The following FGF1 variants were observed in gnomAD, a reference collection of about 807,000 sequenced individuals.
FGF1 encodes beta-endothelial cell growth factor.
Under a neutral mutation model 13.4 loss-of-function variants are expected in FGF1, and 9 were observed. The ratio of observed to expected loss-of-function variants is 0.67; its 90% CI spans 0.40 to 1.17. The LOEUF is 1.17. Ranked by LOEUF, FGF1 falls within the 50% of genes most tolerant of loss-of-function variation. The pLI, the probability that FGF1 is intolerant of heterozygous loss-of-function variation, is 0.01. For missense variants in FGF1, 156 were observed against 192.7 expected (o/e 0.81, Z 1.13); for synonymous variants, 93 against 79.0 (o/e 1.18, Z -0.94).
At chr5:142,651,060 G>C (rs1252676121) in intron 1 of FGF1, among the ~76,000 whole-genome samples, 2 of 152,118 alleles carry the variant, frequency 1.3e-5, no homozygotes, top group African/African-American at 4.8e-5. Flanking sequence ...CTCCCTATTC[G>C]TGCTTTTGCT....
Position 142,683,609 on chromosome 5 carries a change from A to G in FGF1, c.-35+2348T>C, listed in dbSNP as rs555868913. 1.3e-5 allele frequency among the ~76,000 whole-genome samples: 2 copies of G among 152,096 alleles called. 1 individual carries two copies. Among genetic ancestry groups the G allele is most frequent in the African/African-American group, 4.8e-5 (2 of 41,506 alleles). On this transcript the variant is annotated intron_variant, in intron 1 of 3. Transcript: ENST00000337706. Reference sequence around the variant, plus strand: ...TGGGAGGCCGGTTGGATCACCTGACATTGGGAGTTAGAGACCAGCCTTAGC... The same window carrying G: ...TGGGAGGCCGGTTGGATCACCTGACGTTGGGAGTTAGAGACCAGCCTTAGC...
At chr5:142,634,328 T>C (rs1262955411) in intron 1 of FGF1, among the ~76,000 whole-genome samples, 2 of 152,218 alleles carry the variant, frequency 1.3e-5, no homozygotes, top group Non-Finnish European at 2.9e-5. Context: ...GAGCATAGTG[T>C]ATTGAAGTAA....
Position 142,677,124 on chromosome 5 carries a change from T to C in FGF1, c.-35+8833A>G, listed in dbSNP as rs547300131. Among the ~76,000 whole-genome samples, 324 of 152,332 alleles carry C rather than the reference T, an allele frequency of 2.1e-3. 3 individuals are homozygous for C. Among genetic ancestry groups the C allele is most frequent in the African/African-American group, 7.3e-3 (305 of 41,566 alleles). On this transcript the variant is annotated intron_variant, in intron 1 of 3. Transcript: ENST00000337706. ...ACTCTGGAGCATTCATTCTCAACTT[T>C]CCTTTAGTTGCTGTTTCTTAATTCT... is the stretch of plus-strand genomic sequence containing the variant.
chr5:142,658,072 G>A (rs1339363549), intron 1 of FGF1, among the ~76,000 whole-genome samples: 1 of 152,134 alleles, frequency 6.6e-6, no homozygotes, highest in Non-Finnish European at 1.5e-5. Context: ...AACAGCCCAC[G>A]GTGGACGTCT....
intron 3 of FGF1, among the ~76,000 whole-genome samples, chr5:142,597,247 A>G (rs1755462435): frequency 6.6e-6 from 1 of 152,240 alleles, no homozygotes; most frequent in Admixed American, 6.5e-5. Context: ...TTTCACTTCT[A>G]GGAATCTACC....
At position 142,637,142 on chromosome 5, in the gene FGF1, C is replaced by T. The variant is rs574233737; in HGVS notation, c.-34-22981G>A. Among the ~76,000 whole-genome samples the T allele has an allele frequency of 1.3e-3, 197 of 152,006 alleles. 2 individuals carry two copies. Among genetic ancestry groups the T allele is most frequent in the Non-Finnish European group, 2.3e-3 (159 of 68,028 alleles). On this transcript the variant is annotated intron_variant, in intron 1 of 3. Transcript: ENST00000337706. ...GAGTATGTCAGCCCAGCGGCCCTCT[C>T]TGGGAGAGACAGTGGCATTTAGCCA...
upstream of FGF1, among the ~76,000 whole-genome samples, chr5:142,691,066 A>G (rs952066540): frequency 1.3e-5 from 2 of 152,192 alleles, no homozygotes; most frequent in Non-Finnish European, 2.9e-5. Context: ...GTCTTTTTAC[A>G]TCTCCCACTT....
chr5:142,613,932 AG>A (rs779597167), intron 2 of FGF1, 26 bp downstream of exon 2: 5 of 1,607,268 alleles, frequency 3.1e-6, no homozygotes, highest in Admixed American at 1.7e-5. Context: ...CAGAAAGGGA[AG>A]GGGGGTGCCA....
intron 1 of FGF1, chr5:142,685,518 G>C (rs751513090): frequency 1.3e-5 from 2 of 152,254 alleles, no homozygotes; most frequent in Non-Finnish European, 2.9e-5. Flanking sequence ...ACTCACCGCA[G>C]CTTTCTGCTT....
chr5:142,648,857 C>G (rs1243002573), intron 1 of FGF1, among the ~76,000 whole-genome samples: 2 of 151,912 alleles, frequency 1.3e-5, no homozygotes, highest in African/African-American at 4.8e-5. Context: ...GGACCAGGCC[C>G]TGGAAGAGGT....
intron 2 of FGF1, 21 bp from the exon 3 acceptor site, chr5:142,600,826 G>A (rs758340129): frequency 3.2e-6 from 5 of 1,568,368 alleles, no homozygotes; most frequent in Non-Finnish European, 4.4e-6. Context: ...AATAACACGA[G>A]CAAAAGTAAA....
chr5:142,655,768 T>C (rs529405323), intron 1 of FGF1, among the ~76,000 whole-genome samples: 19 of 152,318 alleles, frequency 1.2e-4, no homozygotes, highest in African/African-American at 3.1e-4. Context: ...TGTGCTGATA[T>C]TGGAACGGGA....
intron 2 of FGF1, 130 bp downstream of exon 2, chr5:142,613,829 C>A (rs17217240): frequency 0.024 from 22,655 of 960,512 alleles, 1,533 homozygotes; most frequent in African/African-American, 0.19. Context: ...TGTGACTCCA[C>A]CTCTGAATGT....
chr5:142,689,560 G>C (rs73795179), upstream of FGF1, among the ~76,000 whole-genome samples: 21,448 of 152,068 alleles, frequency 0.14, 1,822 homozygotes, highest in Non-Finnish European at 0.19. Context: ...GCGCTTGCCC[G>C]CCGCTGGTTA....
At chr5:142,639,928 T>C (rs1437050607) in intron 1 of FGF1, among the ~76,000 whole-genome samples, 3 of 151,986 alleles carry the variant, frequency 2.0e-5, no homozygotes, top group Admixed American at 2.0e-4. Context: ...GGATAAATGA[T>C]GATCTGTCCC....
intron 1 of FGF1, among the ~76,000 whole-genome samples, chr5:142,679,399 T>A (rs1358247404): frequency 6.6e-6 from 1 of 152,222 alleles, no homozygotes; most frequent in Non-Finnish European, 1.5e-5. Context: ...GGACCCCCTG[T>A]TGGGGTCAAG....
chr5:142,631,779 C>CTTTTT (rs34929420), intron 1 of FGF1, among the ~76,000 whole-genome samples: 7 of 92,920 alleles, frequency 7.5e-5, no homozygotes, highest in African/African-American at 1.3e-4. Flanking sequence ...TTTAAATTAG[C>CTTTTT]TTTTTTTTTT....
intron 1 of FGF1, among the ~76,000 whole-genome samples, chr5:142,639,664 A>G (rs1331571737): frequency 2.0e-5 from 3 of 151,990 alleles, no homozygotes; most frequent in African/African-American, 4.9e-5. Context: ...CATGGTGACT[A>G]TAGTCAGTAA....
chr5:142,686,033 T>C lies in FGF1; in HGVS notation c.-111A>G, dbSNP rs1294158091. ...CTGTCCCAGGGGAAGCAGAATCCAC[T>C]TGGTGTCTTCTTCTCAGAGTAGCCC... On this transcript the variant is annotated 5_prime_UTR_variant, in exon 1 of 4. Transcript: ENST00000337706. 1 of 152,124 alleles carries C rather than the reference T, an allele frequency of 6.6e-6. No individual in the cohort carries two copies. The highest frequency in any genetic ancestry group is 1.9e-4 in the East Asian group (1 of 5,184). The allele number at this position is 152,124 out of a possible 1,614,324, so 9.4% of individuals were successfully genotyped here. A position where few individuals can be genotyped will look rare whatever the true frequency, so the allele number is the denominator to read the frequency against.
Sources: allele counts gnomAD v4.1 joint callset (sites outside exome capture counted in the v4.1 genomes callset), GRCh38; gene constraint gnomAD v4.1.1; transcripts MANE v1.5; gene names NCBI Gene and HGNC (gene_info 2026-07-23, HGNC 2026-07-21).